COL16A1: variants seen among roughly 807,000 people sequenced by gnomAD.
COL16A1 encodes the protein collagen type XVI alpha 1 chain, also known as collagen alpha-1(XVI) chain.
A neutral mutation model predicts 266.3 loss-of-function variants in COL16A1; 189 were observed. That is an observed-to-expected ratio of 0.71 (90% CI 0.63 to 0.80). COL16A1 has a LOEUF of 0.80. Among genes scored for constraint, COL16A1 ranks in the 30% least tolerant of loss-of-function variants. The pLI is 0.00. For synonymous variants in COL16A1, 740 were observed against 782.3 expected (o/e 0.95, Z 0.90); for missense variants, 1,928 against 2,122.4 (o/e 0.91, Z 1.80).
intron 69 of COL16A1, 85 bp downstream of exon 69, chr1:31,653,782 C>A: frequency 6.4e-7 from 1 of 1,570,486 alleles, no homozygotes; most frequent in Non-Finnish European, 8.7e-7. Flanking sequence ...CACATACATC[C>A]CATATTCACA....
In COL16A1 at chr1:31,670,721, G is replaced by A; in HGVS notation, c.3151-75C>T. ...GACAGCCTGGAGGGCACAGTCTGGG[G>A]CTTGGGGGTCATGGGGAGAGGAGGT... On this transcript the variant is annotated intron_variant, in intron 48 of 70. Coordinates refer to ENST00000373672, the MANE Select transcript of COL16A1 (RefSeq NM_001856.4). The surrounding 1 kb of genome is among the most constrained non-coding windows in gnomAD (Gnocchi z 4.5). 1 of 1,279,498 alleles carries A rather than the reference G, an allele frequency of 7.8e-7. No homozygotes were observed. Among genetic ancestry groups the A allele is most frequent in the Admixed American group, 3.9e-5 (1 of 25,372 alleles). The allele number at this position is 1,279,498 out of a possible 1,614,324, so 79.3% of individuals were successfully genotyped here.
intron 54 of COL16A1, 125 bp from the exon 55 acceptor site, chr1:31,665,743 C>A: frequency 6.3e-7 from 1 of 1,593,590 alleles, no homozygotes; most frequent in Non-Finnish European, 8.6e-7. Context: ...CTCTGCCCAC[C>A]ATGGCTGGCA....
Position 31,702,130 on chromosome 1 carries a change from C to T in COL16A1, c.64G>A (p.Ala22Thr), listed in dbSNP as rs1388219487. The change falls in exon 2 of 71, where the codon GCA (alanine) becomes ACA (threonine). Residue 22 changes from alanine to threonine, a missense_variant. Physicochemically the swap from Ala to Thr is moderately conservative, Grantham distance 58. Around this residue, in one of 2 missense-constraint regions of COL16A1, gnomAD observed 1,552 missense variants for 1,637.2 expected, o/e 0.95. Transcript: ENST00000373672. ...LGLWATFGHG[A>T]NTGAQCPPSQ... ...TCCTGTGTCATCTCACCTGTATTTGCCCCATGGCCGAAGGTAGCCCAAAGA... is the reference window on the plus strand; with the variant it reads ...TCCTGTGTCATCTCACCTGTATTTGTCCCATGGCCGAAGGTAGCCCAAAGA... The T allele has an allele frequency of 2.5e-6, 4 of 1,614,140 alleles. No homozygotes were observed. Among genetic ancestry groups the T allele is most frequent in the Non-Finnish European group, 2.5e-6 (3 of 1,179,972 alleles).
In COL16A1 at chr1:31,688,147, C is replaced by A. The variant is rs1056082722; in HGVS notation, c.1803+320G>T. The stretch of plus-strand genomic sequence containing the variant: ...AGGACAAAACAAGTGAATATACTTA[C>A]AAGATTTGGAATAGTGCCCGGCACA... On this transcript the variant is annotated intron_variant, in intron 26 of 70. Coordinates refer to ENST00000373672, the MANE Select transcript of COL16A1 (RefSeq NM_001856.4). The surrounding 1 kb of genome is among the most constrained non-coding windows in gnomAD (Gnocchi z 4.9). Among the ~76,000 whole-genome samples, 64 of 152,216 alleles carry A rather than the reference C, an allele frequency of 4.2e-4. No individual in the cohort carries two copies. The highest frequency in any genetic ancestry group is 1.5e-3 in the African/African-American group (64 of 41,518).
chr1:31,679,715 G>T, intron 41 of COL16A1, 30 bp from the exon 42 acceptor site: 2 of 1,613,574 alleles, frequency 1.2e-6, no homozygotes, highest in South Asian at 1.1e-5. Context: ...GTCAGAGCCA[G>T]CAGAGAGCTC....
intron 26 of COL16A1, among the ~76,000 whole-genome samples, chr1:31,686,579 C>T (rs1473084385): frequency 2.6e-5 from 4 of 152,236 alleles, no homozygotes; most frequent in African/African-American, 7.2e-5. Flanking sequence ...CCTTTACAGG[C>T]GGAGCACTGG....
At chr1:31,661,238 A>G in intron 60 of COL16A1, 119 bp from the exon 61 acceptor site, 1 of 1,471,680 alleles carries the variant, frequency 6.8e-7, no homozygotes, top group East Asian at 2.4e-5. Context: ...AGGCCCTCTG[A>G]TGCCCTCCAG....
chr1:31,695,031 G>A (rs1228710607), intron 11 of COL16A1, 155 bp downstream of exon 11: 1 of 748,616 alleles, frequency 1.3e-6, no homozygotes, highest in Non-Finnish European at 2.3e-6. Context: ...GATGGCAGTG[G>A]GGGTTAAGCC....
chr1:31,674,914 C>G, intron 44 of COL16A1, 93 bp downstream of exon 44: 2 of 1,550,358 alleles, frequency 1.3e-6, no homozygotes. Flanking sequence ...GCTGCTCTCT[C>G]TGCGAGGTGC....
intron 23 of COL16A1, 80 bp from the exon 24 acceptor site, chr1:31,689,165 C>T: frequency 3.1e-6 from 5 of 1,604,782 alleles, no homozygotes; most frequent in Non-Finnish European, 4.3e-6. Flanking sequence ...GCGAGGACAG[C>T]AATGTCACAC....
chr1:31,684,959 A>C (rs375798080), intron 29 of COL16A1, 103 bp from the exon 30 acceptor site: 12 of 1,592,054 alleles, frequency 7.5e-6, no homozygotes, highest in Middle Eastern at 1.7e-4. Flanking sequence ...AAACAAACAA[A>C]ATCTCTGCTT....
At chr1:31,660,712 G>C in intron 61 of COL16A1, 74 bp from the exon 62 acceptor site, 1 of 1,598,188 alleles carries the variant, frequency 6.3e-7, no homozygotes, top group Non-Finnish European at 8.6e-7. Flanking sequence ...CGGATGGGAG[G>C]GGGCTGGGCA....
chr1:31,673,478 C>T (rs1220014042), intron 44 of COL16A1, among the ~76,000 whole-genome samples: 1 of 152,218 alleles, frequency 6.6e-6, no homozygotes, highest in East Asian at 1.9e-4. Flanking sequence ...GACTCAGGAG[C>T]CCGGAGCCTG....
In COL16A1 at chr1:31,671,634, G is replaced by A. The variant is rs372854054; in HGVS notation, c.3131C>T (p.Pro1044Leu). The change falls in exon 48 of 71, where the codon CCG (proline) becomes CTG (leucine). Residue 1044 changes from proline to leucine, a missense_variant. Transcript: ENST00000373672. ...EEGPPGMRGS[P>L]GPPGPIGPPG... ...ACTTACGATAGGGCCTGGAGGACCC[G>A]GGGAGCCCCTCATGCCAGGCGGACC... 253 of 1,613,968 alleles carry A rather than the reference G, an allele frequency of 1.6e-4. No homozygotes were observed. The highest frequency in any genetic ancestry group is 2.5e-4 in the East Asian group (11 of 44,850).
In COL16A1 at chr1:31,683,488, C is replaced by T. The variant is rs139264646; in HGVS notation, c.2380-119G>A. On this transcript the variant is annotated intron_variant, in intron 34 of 70. Transcript: ENST00000373672. ...ATCTGCCAGCCCAAATTCAGAAGAG[C>T]TCCCCAAGGAGACCCTGAGGGTCAG... 3.8e-4 allele frequency: 599 copies of T among 1,592,568 alleles called. 1 individual carries two copies. The African/African-American group carries it at 7.1e-3, about 19-fold the overall frequency.
At chr1:31,673,083 C>T in intron 44 of COL16A1, 1 of 580,178 alleles carries the variant, frequency 1.7e-6, no homozygotes, top group Non-Finnish European at 3.2e-6. Flanking sequence ...TAAGCCAAAG[C>T]CACTTTCCAG....
Position 31,668,896 on chromosome 1 carries a change from T to TGCCCCCC in COL16A1, c.3196-42_3196-41insGGGGGGC. The TGCCCCCC allele has an allele frequency of 1.9e-6, 3 of 1,569,670 alleles. No individual in the cohort carries two copies. Among genetic ancestry groups the TGCCCCCC allele is most frequent in the Non-Finnish European group, 1.7e-6 (2 of 1,150,062 alleles). ...CATGAGAAACTGCAGGAGCCGGCGGTCCCCACCCAGCCCCTGACTCCTTCC... is the reference window on the plus strand; with the variant it reads ...CATGAGAAACTGCAGGAGCCGGCGGTGCCCCCCCCCCACCCAGCCCCTGACTCCTTCC... On this transcript the variant is annotated intron_variant, in intron 49 of 70. Coordinates refer to ENST00000373672, the MANE Select transcript of COL16A1 (RefSeq NM_001856.4). This position sits in a 1 kb window ranked among gnomAD's most constrained non-coding sequence, Gnocchi z 5.8.
intron 57 of COL16A1, 84 bp from the exon 58 acceptor site, chr1:31,662,471 C>T (rs1383034422): frequency 3.2e-6 from 5 of 1,563,044 alleles, no homozygotes; most frequent in Non-Finnish European, 2.6e-6. Context: ...TCAATTCTCT[C>T]CACCCCTCCC....
chr1:31,702,078 A>T (rs1395015766), intron 2 of COL16A1, 43 bp downstream of exon 2: 2 of 1,613,258 alleles, frequency 1.2e-6, no homozygotes, highest in African/African-American at 1.3e-5. Flanking sequence ...CCAGGATACC[A>T]GTTGCAGGCC....
Sources: gnomAD v4.1 joint callset for allele counts (sites outside exome capture counted in the v4.1 genomes callset) on GRCh38, gnomAD v4.1.1 for gene constraint, gnomAD v4.1.1 regional missense constraint, Gnocchi (gnomAD v3.1) non-coding constraint, MANE v1.5 for transcripts, NCBI Gene and HGNC (gene_info 2026-07-23, HGNC 2026-07-21) for gene names.